BICD1: variants seen among roughly 807,000 people sequenced by gnomAD.
BICD1 encodes protein bicaudal D homolog 1.
Under a neutral mutation model 92.5 loss-of-function variants are expected in BICD1, and 35 were observed. That is an observed-to-expected ratio of 0.38 (90% CI 0.29 to 0.50). BICD1 has a LOEUF of 0.50. Among genes scored for constraint, BICD1 ranks in the 20% least tolerant of loss-of-function variants. The probability of loss-of-function intolerance (pLI) is 0.93; values close to 1 mark genes in which losing one functional copy is unlikely to be tolerated. For missense variants in BICD1, 950 were observed against 1,189.8 expected (o/e 0.80, Z 2.97); for synonymous variants, 429 against 465.1 (o/e 0.92, Z 1.00).
chr12:32,177,776 TATATAAATATTTATAAAA>T (rs906157977), intron 1 of BICD1, among the ~76,000 whole-genome samples: 1 of 29,478 alleles, frequency 3.4e-5, no homozygotes, highest in African/African-American at 1.3e-4. Context: ...ATATATTTAA[TATATAAATATTTATAAAA>T]ATATAAATAT....
At chr12:32,346,536 GTATATATATATATATA>G (rs59893108) in intron 8 of BICD1, among the ~76,000 whole-genome samples, 398 of 24,124 alleles carry the variant, frequency 0.016, 53 homozygotes, top group South Asian at 0.083. Flanking sequence ...ATATATACGT[GTATATATATATATATA>G]TATATATATA....
In BICD1 at chr12:32,337,656, T is replaced by C. The variant is rs769432193; in HGVS notation, c.2410T>C (p.Ser804Pro). The change falls in exon 7 of 10, where the codon TCC (serine) becomes CCC (proline). Residue 804 changes from serine to proline, a missense_variant. Ser to Pro is a moderately conservative substitution (Grantham distance 74). Coordinates refer to ENST00000652176, the MANE Select transcript of BICD1 (RefSeq NM_001714.4). This position sits in a 1 kb window ranked among gnomAD's most constrained non-coding sequence, Gnocchi z 4.7. ...GGACTTAGAGTTTGACCATGAGCAG[T>C]CCCGACGCAGCAAAGGCAAACTTGG... ...LEDLEFDHEQ[S>P]RRSKGKLGKS... is the part of the protein sequence containing the mutation. 6.2e-7 allele frequency: 1 copy of C among 1,614,014 alleles called. No homozygotes were observed. The highest frequency in any genetic ancestry group is 8.5e-7 in the Non-Finnish European group (1 of 1,179,998).
intron 1 of BICD1, among the ~76,000 whole-genome samples, chr12:32,111,048 T>G (rs776554108): frequency 5.9e-5 from 9 of 152,186 alleles, no homozygotes; most frequent in Non-Finnish European, 8.8e-5. Flanking sequence ...TGTTGTAAAG[T>G]TGAAAAAGAG....
chr12:32,281,270 C>T (rs1376704314), intron 2 of BICD1, among the ~76,000 whole-genome samples: 1 of 151,920 alleles, frequency 6.6e-6, no homozygotes, highest in Non-Finnish European at 1.5e-5. Context: ...TTTACTTTTT[C>T]CTGGTTATTG....
intron 5 of BICD1, among the ~76,000 whole-genome samples, chr12:32,334,192 T>C (rs953374934): frequency 1.3e-5 from 2 of 152,158 alleles, no homozygotes; most frequent in Non-Finnish European, 2.9e-5. Flanking sequence ...TCATTTTGGC[T>C]CCCTCCTTGT....
intron 3 of BICD1, among the ~76,000 whole-genome samples, chr12:32,296,247 T>G (rs919210791): frequency 2.3e-4 from 7 of 30,746 alleles, no homozygotes; most frequent in Non-Finnish European, 3.5e-4. Flanking sequence ...TAAGAAGGGG[T>G]TTTTTTTTGT....
chr12:32,311,806 A>T (rs1948388506), intron 4 of BICD1, among the ~76,000 whole-genome samples: 1 of 152,174 alleles, frequency 6.6e-6, no homozygotes, highest in Non-Finnish European at 1.5e-5. Flanking sequence ...TCTGGAAAGG[A>T]AGGAAGGAAA....
intron 2 of BICD1, among the ~76,000 whole-genome samples, chr12:32,221,356 A>AAAT (rs10687306): frequency 0.16 from 23,360 of 149,732 alleles, 2,833 homozygotes; most frequent in East Asian, 0.32. Flanking sequence ...AAAAAATAAA[A>AAAT]AAATAAATAA....
intron 1 of BICD1, among the ~76,000 whole-genome samples, chr12:32,125,950 G>A (rs1280581382): frequency 1.3e-5 from 2 of 151,196 alleles, no homozygotes; most frequent in Admixed American, 1.3e-4. Context: ...TCGGGAGCCT[G>A]AGGTGGGAGA....
At chr12:32,126,741 G>A (rs755947659) in intron 1 of BICD1, among the ~76,000 whole-genome samples, 6 of 151,896 alleles carry the variant, frequency 4.0e-5, no homozygotes, top group Non-Finnish European at 7.4e-5. Flanking sequence ...TAGCCTGGGC[G>A]ACAGAGTGAG....
rs908794148 is a variant in BICD1, at chr12:32,106,875, A to G, written c.-457A>G. 1.2e-5 allele frequency: 2 copies of G among 160,158 alleles called. No homozygotes were observed. Among genetic ancestry groups the G allele is most frequent in the African/African-American group, 2.6e-5 (1 of 38,244 alleles). 9.9% of individuals were successfully genotyped at this position (160,158 alleles called of 1,614,324 possible). On this transcript the variant is annotated 5_prime_UTR_variant, in exon 1 of 10. Coordinates refer to ENST00000652176, the MANE Select transcript of BICD1 (RefSeq NM_001714.4). ...ATTCCGCACCGGCTGCTGCAGGGCC[A>G]GAGGGAGCAGGTGGAGCGAGAGAGC...
At chr12:32,169,760 C>T (rs1171460192) in intron 1 of BICD1, among the ~76,000 whole-genome samples, 1 of 151,500 alleles carries the variant, frequency 6.6e-6, no homozygotes, top group Admixed American at 6.6e-5. Flanking sequence ...TCCAAAGATA[C>T]ACTTCCTTTT....
rs538283478 is a variant in BICD1 at position 32,332,783 on chromosome 12, G to A, written c.2101-1733G>A. ...GAAGTAATTCCAGACAGAACAGTAG[G>A]TAGAGAGGCTTTGGAGTGACAAAAT... On this transcript the variant is annotated intron_variant, in intron 5 of 9. Transcript: ENST00000652176. 19 of 839,348 alleles carry A rather than the reference G, an allele frequency of 2.3e-5. No individual in the cohort carries two copies. In the South Asian group the frequency reaches 3.8e-4, roughly 17 times the overall value. The allele number at this position is 839,348 out of a possible 1,614,324, so 52.0% of individuals were successfully genotyped here. A position where few individuals can be genotyped will look rare whatever the true frequency, so the allele number is the denominator to read the frequency against.
chr12:32,130,261 C>T (rs967418508), intron 1 of BICD1, among the ~76,000 whole-genome samples: 2 of 151,128 alleles, frequency 1.3e-5, no homozygotes, highest in African/African-American at 2.4e-5. Flanking sequence ...CTGGAGTGCA[C>T]TGGGCAATCT....
intron 2 of BICD1, among the ~76,000 whole-genome samples, chr12:32,271,181 C>A (rs571825313): frequency 6.6e-6 from 1 of 152,352 alleles, no homozygotes; most frequent in African/African-American, 2.4e-5. Flanking sequence ...CATTTTCTCC[C>A]TGAATTAGTG....
chr12:32,171,429 G>A (rs945003996), intron 1 of BICD1, among the ~76,000 whole-genome samples: 1 of 152,188 alleles, frequency 6.6e-6, no homozygotes, highest in African/African-American at 2.4e-5. Flanking sequence ...GTGGCACTAG[G>A]TATTCTTATG....
intron 1 of BICD1, among the ~76,000 whole-genome samples, chr12:32,117,692 A>ATG (rs967491556): frequency 2.1e-5 from 3 of 142,480 alleles, no homozygotes; most frequent in African/African-American, 2.6e-5. Context: ...ATATATATAT[A>ATG]TATATACACA....
chr12:32,199,910 A>G (rs1313368629), intron 1 of BICD1, among the ~76,000 whole-genome samples: 2 of 152,116 alleles, frequency 1.3e-5, no homozygotes, highest in East Asian at 3.9e-4. Context: ...GTTATGCTTT[A>G]AGGCCCAGGA....
At chr12:32,187,384 A>C (rs1362611102) in intron 1 of BICD1, among the ~76,000 whole-genome samples, 3 of 152,092 alleles carry the variant, frequency 2.0e-5, no homozygotes, top group Non-Finnish European at 4.4e-5. Flanking sequence ...TTTGAAAATG[A>C]ATCTATGGGC....
Sources: gnomAD v4.1 joint callset for allele counts (sites outside exome capture counted in the v4.1 genomes callset) on GRCh38, gnomAD v4.1.1 for gene constraint, Gnocchi (gnomAD v3.1) non-coding constraint, MANE v1.5 for transcripts, NCBI Gene and HGNC (gene_info 2026-07-23, HGNC 2026-07-21) for gene names.